The following ZNF541 variants were observed in gnomAD, a reference collection of about 807,000 sequenced individuals.
ZNF541 encodes zinc finger protein 541.
In ZNF541, 23 loss-of-function variants were observed where a neutral mutation model predicts 123.5. The observed-to-expected ratio is 0.19, with a 90% CI of 0.13 to 0.26. The LOEUF is 0.26. Among genes scored for constraint, ZNF541 ranks in the 10% least tolerant of loss-of-function variants. The pLI is 1.00. For missense variants in ZNF541, 1,612 were observed against 1,789.9 expected (o/e 0.90, Z 1.79); for synonymous variants, 751 against 754.5 (o/e 1.00, Z 0.08).
Position 47,544,820 on chromosome 19 carries a change from T to G in ZNF541, c.1709A>C (p.His570Pro). 1 of 1,533,410 alleles carries G rather than the reference T, an allele frequency of 6.5e-7. No homozygotes were observed. The allele number at this position is 1,533,410 out of a possible 1,614,324, so 95.0% of individuals were successfully genotyped here. A position where few individuals can be genotyped will look rare whatever the true frequency, so the allele number is the denominator to read the frequency against. The change falls in exon 5 of 17, where the codon CAT becomes CCT. Residue 570 changes from histidine to proline, a missense_variant. Transcript: ENST00000391901. ...MITKSQRIFS[H>P]AQVAAVSSQL... The stretch of plus-strand genomic sequence containing the variant: ...GGAGGAGACTGCTGCCACCTGGGCA[T>G]GGGAGAAGATCCGCTGGGACTTGGT...
At chr19:47,560,017 G>C (rs1320853750) in intron 2 of ZNF541, among the ~76,000 whole-genome samples, 3 of 152,122 alleles carry the variant, frequency 2.0e-5, no homozygotes, top group Non-Finnish European at 4.4e-5. Context: ...GAGAGGATCT[G>C]GTTTTCAAAG....
chr19:47,532,240 T>C lies in ZNF541; in HGVS notation c.3189A>G (p.Ala1063=), dbSNP rs1302311927. 4.5e-6 allele frequency: 7 copies of C among 1,552,042 alleles called. No homozygotes were observed. The highest frequency in any genetic ancestry group is 4.4e-6 in the Non-Finnish European group (5 of 1,147,078). Residue 1063 remains alanine, a synonymous_variant, in exon 11 of 17, where the codon GCA becomes GCG. Transcript: ENST00000391901. ...PHINIGSRFQ[A]EIPELQERSL... is the part of the protein sequence containing the mutation. ...ATCTCTCCTGGAGTTCCGGGATCTC[T>C]GCCTGAAACCGGCTTCCTATATTGA...
chr19:47,569,396 G>A (rs1032580149), intron 2 of ZNF541, among the ~76,000 whole-genome samples: 1 of 152,042 alleles, frequency 6.6e-6, no homozygotes, highest in Non-Finnish European at 1.5e-5. Flanking sequence ...TCACCAATGA[G>A]GTAAATAGTC....
At chr19:47,553,348 C>T (rs1295022501) in intron 3 of ZNF541, among the ~76,000 whole-genome samples, 1 of 151,802 alleles carries the variant, frequency 6.6e-6, no homozygotes, top group Non-Finnish European at 1.5e-5. Flanking sequence ...AAGCAGTTCT[C>T]CTGCCTCAGC....
At chr19:47,557,703 G>C (rs1179575055) in intron 2 of ZNF541, among the ~76,000 whole-genome samples, 1 of 152,122 alleles carries the variant, frequency 6.6e-6, no homozygotes, top group Non-Finnish European at 1.5e-5. Context: ...GCCAGGTGTG[G>C]TGGCGTCTAT....
intron 1 of ZNF541, among the ~76,000 whole-genome samples, 174 bp downstream of exon 1, chr19:47,572,909 G>A (rs1357860728): frequency 2.6e-5 from 4 of 152,040 alleles, no homozygotes. Flanking sequence ...GCAGGGTGAG[G>A]GGCGCCCGCC....
chr19:47,550,311 AAG>A lies in ZNF541; in HGVS notation c.308-828_308-827del, dbSNP rs529237618. Among the ~76,000 whole-genome samples, 483 of 150,274 alleles carry A rather than the reference AAG, an allele frequency of 3.2e-3. 2 individuals are homozygous for A. Among genetic ancestry groups the A allele is most frequent in the African/African-American group, 0.011 (457 of 41,048 alleles). The stretch of plus-strand genomic sequence containing the variant: ...GAAGGAAGGAGGAAGGAAGGAAGGA[AAG>A]AGAGAGAGAAAGAGAGAGAGAGAAA... On this transcript the variant is annotated intron_variant, in intron 3 of 16. Coordinates refer to ENST00000391901, the MANE Select transcript of ZNF541 (RefSeq NM_001277075.3).
chr19:47,559,482 A>C (rs1385023139), intron 2 of ZNF541, among the ~76,000 whole-genome samples: 1 of 152,166 alleles, frequency 6.6e-6, no homozygotes, highest in Non-Finnish European at 1.5e-5. Flanking sequence ...GAAACACCAA[A>C]AACAAAAAAT....
At chr19:47,564,680 T>C (rs1971194348) in intron 2 of ZNF541, among the ~76,000 whole-genome samples, 1 of 152,144 alleles carries the variant, frequency 6.6e-6, no homozygotes, top group Non-Finnish European at 1.5e-5. Flanking sequence ...ATGGATGCGG[T>C]GAACAAGAAA....
In ZNF541 at chr19:47,529,574, C is replaced by T. The variant is rs917981433; in HGVS notation, c.3481+3G>A. The T allele has an allele frequency of 6.4e-7, 1 of 1,551,508 alleles. No homozygotes were observed. Among genetic ancestry groups the T allele is most frequent in the African/African-American group, 1.4e-5 (1 of 73,052 alleles). On this transcript the variant is annotated splice_donor_region_variant and intron_variant, in intron 13 of 16. Transcript: ENST00000391901. ...AACCAGCTCAGCAGCCTTTCCCCGTCACCTGTGTAGCGATAGTCAGCGAGC... is the reference window on the plus strand; with the variant it reads ...AACCAGCTCAGCAGCCTTTCCCCGTTACCTGTGTAGCGATAGTCAGCGAGC...
chr19:47,539,601 C>T lies in ZNF541; in HGVS notation c.2796+104G>A, dbSNP rs1240004895. 4 of 1,268,710 alleles carry T rather than the reference C, an allele frequency of 3.2e-6. No homozygotes were observed. In the East Asian group the frequency reaches 1.3e-4, roughly 40 times the overall value. 78.6% of individuals were successfully genotyped at this position (1,268,710 alleles called of 1,614,324 possible). On this transcript the variant is annotated intron_variant, in intron 8 of 16. Transcript: ENST00000391901. ...ACAGGCATGAGCCACCACATCCAGC[C>T]TGGAGTCAAAGATTTTCTGTGGTAT... is the stretch of plus-strand genomic sequence containing the variant.
intron 3 of ZNF541, among the ~76,000 whole-genome samples, chr19:47,552,698 G>A (rs1303040855): frequency 1.1e-4 from 12 of 109,580 alleles, no homozygotes; most frequent in African/African-American, 4.2e-4. Context: ...AGCCGAGATC[G>A]CACCACTGCA....
At chr19:47,529,328 C>G (rs550345437) in intron 13 of ZNF541, among the ~76,000 whole-genome samples, 405 of 152,340 alleles carry the variant, frequency 2.7e-3, no homozygotes, top group Non-Finnish European at 4.6e-3. Flanking sequence ...CTTCCCTCCC[C>G]CTGGCCATGA....
chr19:47,542,769 A>C (rs1970135790), intron 5 of ZNF541, among the ~76,000 whole-genome samples: 2 of 151,840 alleles, frequency 1.3e-5, no homozygotes, highest in Admixed American at 1.3e-4. Flanking sequence ...AAGATGGTGA[A>C]ACCTCGTCTC....
chr19:47,552,838 C>T (rs1217724818), intron 3 of ZNF541, among the ~76,000 whole-genome samples: 1 of 149,322 alleles, frequency 6.7e-6, no homozygotes, highest in Non-Finnish European at 1.5e-5. Context: ...AGGCCGGGCA[C>T]GGTGGCTTAT....
Position 47,521,233 on chromosome 19 carries a change from C to A in ZNF541, c.4032G>T (p.Leu1344=). 1 of 1,551,586 alleles carries A rather than the reference C, an allele frequency of 6.4e-7. No homozygotes were observed. The highest frequency in any genetic ancestry group is 8.7e-7 in the Non-Finnish European group (1 of 1,146,946). ...CTTGCTGCCACGGGAGTCACCACTG[C>A]AGGGGGCCGATGTCAGCTCCCAGCT... ...EEELGADIGP[L]QW Residue 1344 remains leucine, a synonymous_variant, in exon 17 of 17, where the codon CTG becomes CTT. Transcript: ENST00000391901. This position sits in a 1 kb window ranked among gnomAD's most constrained non-coding sequence, Gnocchi z 4.2.
chr19:47,531,508 A>G (rs1969570285), intron 12 of ZNF541, 134 bp downstream of exon 12: 2 of 610,976 alleles, frequency 3.3e-6, no homozygotes, highest in Non-Finnish European at 5.4e-6. Flanking sequence ...GCAATCCCAA[A>G]GCCGCTGTGG....
intron 13 of ZNF541, 117 bp downstream of exon 13, chr19:47,529,460 G>C (rs1969461006): frequency 2.0e-6 from 2 of 1,017,522 alleles, no homozygotes; most frequent in South Asian, 3.2e-5. Context: ...CCTCCTGAAA[G>C]GCAGGCAAAG....
chr19:47,565,665 G>C (rs1971234536), intron 2 of ZNF541, among the ~76,000 whole-genome samples: 1 of 152,146 alleles, frequency 6.6e-6, no homozygotes, highest in Non-Finnish European at 1.5e-5. Context: ...CAAGGAGCAG[G>C]TAAGTTTCAG....
Sources: allele counts gnomAD v4.1 joint callset (sites outside exome capture counted in the v4.1 genomes callset), GRCh38; gene constraint gnomAD v4.1.1; non-coding constraint Gnocchi (gnomAD v3.1); transcripts MANE v1.5; gene names NCBI Gene and HGNC (gene_info 2026-07-23, HGNC 2026-07-21).